Variants in THSD7B observed in about 807,000 individuals in gnomAD.
THSD7B encodes thrombospondin type-1 domain-containing protein 7B.
A neutral mutation model predicts 213.6 loss-of-function variants in THSD7B; 138 were observed. The observed-to-expected ratio is 0.65, with a 90% confidence interval of 0.56 to 0.74. The LOEUF is 0.74. Ranked by LOEUF, THSD7B falls within the 30% of genes least tolerant of loss-of-function variation. The pLI, the probability that THSD7B is intolerant of heterozygous loss-of-function variation, is 0.00. For synonymous variants in THSD7B, 742 were observed against 687.0 expected (o/e 1.08, Z -1.25); for missense variants, 1,931 against 1,991.5 (o/e 0.97, Z 0.58).
intron 12 of THSD7B, among the ~76,000 whole-genome samples, chr2:137,402,844 T>G (rs1686403074): frequency 6.6e-6 from 1 of 151,896 alleles, no homozygotes; most frequent in Admixed American, 6.6e-5. Context: ...AGGTTTGAAT[T>G]TCACATAGCA....
chr2:136,877,793 C>T (rs1293953220), intron 1 of THSD7B, among the ~76,000 whole-genome samples: 1 of 151,904 alleles, frequency 6.6e-6, no homozygotes, highest in Non-Finnish European at 1.5e-5. Context: ...ATATAAATCC[C>T]AACAGTGCTT....
intron 7 of THSD7B, among the ~76,000 whole-genome samples, chr2:137,179,683 T>C (rs905095552): frequency 6.6e-5 from 10 of 152,166 alleles, no homozygotes; most frequent in African/African-American, 2.4e-4. Context: ...AATGTATACA[T>C]ATACTTTAAC....
intron 2 of THSD7B, among the ~76,000 whole-genome samples, chr2:136,949,580 T>C (rs758681548): frequency 1.2e-4 from 19 of 152,204 alleles, no homozygotes; most frequent in Non-Finnish European, 1.8e-4. Context: ...CCCACCTCTG[T>C]TGAAATCTAA....
At chr2:137,486,246 A>G (rs2105113785) in intron 15 of THSD7B, among the ~76,000 whole-genome samples, 1 of 152,078 alleles carries the variant, frequency 6.6e-6, no homozygotes, top group South Asian at 2.1e-4. Context: ...GTATTCAGGA[A>G]ACCCATCTCA....
intron 2 of THSD7B, among the ~76,000 whole-genome samples, chr2:136,914,510 T>G (rs569645079): frequency 3.3e-5 from 5 of 152,330 alleles, no homozygotes; most frequent in African/African-American, 1.2e-4. Context: ...CAACTTGCAT[T>G]GTATCTCCCA....
At chr2:137,273,689 C>G (rs2104808496) in intron 11 of THSD7B, among the ~76,000 whole-genome samples, 1 of 152,084 alleles carries the variant, frequency 6.6e-6, no homozygotes, top group East Asian at 1.9e-4. Context: ...ATTTTATCAT[C>G]CTTTACTTTC....
Position 136,882,138 on chromosome 2 carries a change from T to G in THSD7B, c.-35-6T>G. 3 of 1,449,736 alleles carry G rather than the reference T, an allele frequency of 2.1e-6. No individual in the cohort carries two copies. Among genetic ancestry groups the G allele is most frequent in the Non-Finnish European group, 1.8e-6 (2 of 1,099,804 alleles). 89.8% of individuals were successfully genotyped at this position (1,449,736 alleles called of 1,614,324 possible). ...AACTTACCTGATTTTTCTTTTTCTC[T>G]TTTAGGAATAGGCAAGTCAAGAGGC... On this transcript the variant is annotated splice_polypyrimidine_tract_variant and splice_region_variant and intron_variant, in intron 1 of 27. Coordinates refer to ENST00000409968, the MANE Select transcript of THSD7B (RefSeq NM_001316349.2).
chr2:137,274,386 T>A (rs1682821926), intron 11 of THSD7B, among the ~76,000 whole-genome samples: 1 of 152,092 alleles, frequency 6.6e-6, no homozygotes, highest in African/African-American at 2.4e-5. Context: ...GCCTATTTAA[T>A]TTGTCAAGTG....
chr2:137,631,886 A>G (rs1015509518), intron 20 of THSD7B, among the ~76,000 whole-genome samples: 9 of 152,192 alleles, frequency 5.9e-5, no homozygotes, highest in Admixed American at 2.0e-4. Flanking sequence ...GTTTTTATCT[A>G]TAAAATGATG....
At chr2:137,033,565 G>A (rs1315826533) in intron 2 of THSD7B, among the ~76,000 whole-genome samples, 1 of 152,002 alleles carries the variant, frequency 6.6e-6, no homozygotes, top group Middle Eastern at 3.4e-3. Flanking sequence ...TACAGGGAGG[G>A]TTGACTACTT....
At chr2:137,294,315 G>A (rs1683405243) in intron 12 of THSD7B, among the ~76,000 whole-genome samples, 2 of 151,998 alleles carry the variant, frequency 1.3e-5, no homozygotes, top group Admixed American at 6.5e-5. Context: ...GGTTGCAGTG[G>A]CTCACAACTG....
At chr2:137,535,642 C>T (rs1278414711) in intron 15 of THSD7B, among the ~76,000 whole-genome samples, 2 of 151,570 alleles carry the variant, frequency 1.3e-5, no homozygotes, top group South Asian at 4.2e-4. Context: ...TAGGATACAC[C>T]TAGGAACATG....
intron 14 of THSD7B, among the ~76,000 whole-genome samples, chr2:137,438,348 G>C (rs560969704): frequency 3.3e-5 from 5 of 152,074 alleles, no homozygotes; most frequent in African/African-American, 9.7e-5. Flanking sequence ...GGTCAATACC[G>C]TTTAATGCTC....
intron 15 of THSD7B, among the ~76,000 whole-genome samples, chr2:137,544,482 T>C (rs1680670428): frequency 6.6e-6 from 1 of 151,654 alleles, no homozygotes. Context: ...ATGAGTATGG[T>C]TTTTCTTTTA....
At chr2:137,512,530 C>T (rs1259314589) in intron 15 of THSD7B, among the ~76,000 whole-genome samples, 1 of 151,184 alleles carries the variant, frequency 6.6e-6, no homozygotes, top group African/African-American at 2.4e-5. Flanking sequence ...CAACTGTGAC[C>T]ACAGGCACGC....
chr2:137,178,065 G>A (rs1197849028), intron 7 of THSD7B, among the ~76,000 whole-genome samples: 6 of 107,790 alleles, frequency 5.6e-5, no homozygotes, highest in East Asian at 5.4e-4. Flanking sequence ...GCTAAACTCC[G>A]TCTCAAAAAA....
chr2:137,109,733 G>A (rs1375568949), intron 4 of THSD7B, among the ~76,000 whole-genome samples: 2 of 150,792 alleles, frequency 1.3e-5, no homozygotes, highest in South Asian at 2.1e-4. Context: ...GGGAGTGGCT[G>A]TAAATACAGA....
chr2:137,555,226 A>G (rs1680933060), intron 15 of THSD7B, among the ~76,000 whole-genome samples: 1 of 152,298 alleles, frequency 6.6e-6, no homozygotes, highest in African/African-American at 2.4e-5. Context: ...TTGAGATTGG[A>G]GAATGGACAG....
At chr2:136,834,212 G>A (rs1682808412) in intron 1 of THSD7B, among the ~76,000 whole-genome samples, 1 of 152,150 alleles carries the variant, frequency 6.6e-6, no homozygotes, top group Non-Finnish European at 1.5e-5. Context: ...CCCAGCCCCT[G>A]GTCAGCATCT....
Sources: gnomAD v4.1 joint callset for allele counts (sites outside exome capture counted in the v4.1 genomes callset) on GRCh38, gnomAD v4.1.1 for gene constraint, MANE v1.5 for transcripts, NCBI Gene and HGNC (gene_info 2026-07-23, HGNC 2026-07-21) for gene names.